PIGL: variants seen among roughly 807,000 people sequenced by gnomAD.
PIGL encodes the protein phosphatidylinositol glycan anchor biosynthesis class L, also known as N-acetylglucosaminyl-phosphatidylinositol de-N-acetylase.
Under a neutral mutation model 31.1 loss-of-function variants are expected in PIGL, and 22 were observed. That is an observed-to-expected ratio of 0.71 (90% CI 0.51 to 1.01). PIGL has a LOEUF of 1.01. Among genes scored for constraint, PIGL ranks in the 50% least tolerant of loss-of-function variants. The probability of loss-of-function intolerance (pLI) is 0.00; values close to 1 mark genes in which losing one functional copy is unlikely to be tolerated. For missense variants in PIGL, 302 were observed against 315.9 expected (o/e 0.96, Z 0.33); for synonymous variants, 131 against 117.4 (o/e 1.12, Z -0.75).
chr17:16,270,053 G>C (rs983627914), intron 2 of PIGL, among the ~76,000 whole-genome samples: 3 of 151,994 alleles, frequency 2.0e-5, no homozygotes, highest in Non-Finnish European at 4.4e-5. Flanking sequence ...TTGGGAGGCC[G>C]AGGCGGGCAG....
At chr17:16,310,137 G>T (rs1257876010) in intron 3 of PIGL, among the ~76,000 whole-genome samples, 2 of 150,198 alleles carry the variant, frequency 1.3e-5, no homozygotes, top group Admixed American at 6.6e-5. Flanking sequence ...TTAATCATTA[G>T]AAGACTTTCT....
intron 2 of PIGL, among the ~76,000 whole-genome samples, chr17:16,263,156 T>C (rs2142753139): frequency 6.6e-6 from 1 of 152,128 alleles, no homozygotes; most frequent in Admixed American, 6.6e-5. Flanking sequence ...TGCACAGCTC[T>C]GTGAACTTAC....
intron 6 of PIGL, among the ~76,000 whole-genome samples, chr17:16,319,196 G>A (rs1233601521): frequency 1.8e-5 from 2 of 112,002 alleles, no homozygotes; most frequent in African/African-American, 7.0e-5. Context: ...CTGCACTCCA[G>A]CCTGGGCAAC....
At chr17:16,305,504 A>G (rs1379409628) in intron 3 of PIGL, among the ~76,000 whole-genome samples, 1 of 152,236 alleles carries the variant, frequency 6.6e-6, no homozygotes, top group Non-Finnish European at 1.5e-5. Context: ...TGCCATTGTC[A>G]TGTACAAATC....
At chr17:16,251,727 G>A (rs2092772799) in intron 2 of PIGL, among the ~76,000 whole-genome samples, 1 of 151,448 alleles carries the variant, frequency 6.6e-6, no homozygotes, top group Admixed American at 6.6e-5. Context: ...TACCTATTCA[G>A]TACCTAGAAT....
At chr17:16,286,763 T>C (rs1172784135) in intron 2 of PIGL, among the ~76,000 whole-genome samples, 1 of 152,092 alleles carries the variant, frequency 6.6e-6, no homozygotes, top group East Asian at 1.9e-4. Flanking sequence ...TCCAAAATAG[T>C]AGTCTCTCCT....
rs2092661754 is a variant in PIGL at position 16,228,231 on chromosome 17, A to AT, written c.236-5735dup. ...CACCATGCCCGGCTAATTTTTTTAT[A>AT]TTTTTATTAGAGAATGGAGTTTCAC... On this transcript the variant is annotated intron_variant, in intron 1 of 6. Coordinates refer to ENST00000225609, the MANE Select transcript of PIGL (RefSeq NM_004278.4). Among the ~76,000 whole-genome samples, 4 of 143,228 alleles carry AT rather than the reference A, an allele frequency of 2.8e-5. No individual in the cohort carries two copies. In the South Asian group the frequency reaches 9.0e-4, roughly 32 times the overall value. The allele number at this position is 143,228 out of a possible 152,430, so 94.0% of individuals were successfully genotyped here. A position where few individuals can be genotyped will look rare whatever the true frequency, so the allele number is the denominator to read the frequency against.
intron 2 of PIGL, among the ~76,000 whole-genome samples, chr17:16,298,885 G>T (rs1232263655): frequency 6.6e-6 from 1 of 151,956 alleles, no homozygotes; most frequent in Non-Finnish European, 1.5e-5. Context: ...AAAATTAGCT[G>T]GGTGTGGTGG....
chr17:16,268,559 C>T (rs546290738), intron 2 of PIGL, among the ~76,000 whole-genome samples: 16 of 152,154 alleles, frequency 1.1e-4, no homozygotes, highest in Non-Finnish European at 2.2e-4. Flanking sequence ...AGCGATTCTC[C>T]TACCTTAGCC....
At chr17:16,325,464 T>A (rs1185120505) in intron 6 of PIGL, among the ~76,000 whole-genome samples, 1 of 152,044 alleles carries the variant, frequency 6.6e-6, no homozygotes, top group South Asian at 2.1e-4. Flanking sequence ...ATTTATTTTT[T>A]AAAAAACAGT....
chr17:16,302,839 C>T (rs866747717), intron 3 of PIGL, among the ~76,000 whole-genome samples: 1 of 152,114 alleles, frequency 6.6e-6, no homozygotes, highest in Non-Finnish European at 1.5e-5. Context: ...CCTCGTGATC[C>T]GCCTTCCCCG....
chr17:16,265,304 T>C (rs1315883961), intron 2 of PIGL, among the ~76,000 whole-genome samples: 1 of 152,170 alleles, frequency 6.6e-6, no homozygotes, highest in Non-Finnish European at 1.5e-5. Context: ...AAAGGGCACA[T>C]AGTGAGCAAG....
chr17:16,308,820 G>A (rs1238458752), intron 3 of PIGL, among the ~76,000 whole-genome samples: 7 of 141,396 alleles, frequency 5.0e-5, no homozygotes, highest in African/African-American at 1.3e-4. Context: ...TCGAGACAAG[G>A]TCTCCCTCTG....
At chr17:16,233,943 T>A in intron 1 of PIGL, 28 bp from the exon 2 acceptor site, 2 of 1,259,322 alleles carry the variant, frequency 1.6e-6, no homozygotes, top group Admixed American at 1.9e-5. Context: ...AAAAAAAAAA[T>A]CTACCACTGT....
At position 16,263,417 on chromosome 17, in the gene PIGL, C is replaced by T. The variant is rs111251400; in HGVS notation, c.335+29347C>T. 6.4e-3 allele frequency among the ~76,000 whole-genome samples: 980 copies of T among 152,074 alleles called. 15 individuals are homozygous for T. Among genetic ancestry groups the T allele is most frequent in the African/African-American group, 0.023 (945 of 41,480 alleles). On this transcript the variant is annotated intron_variant, in intron 2 of 6. Coordinates refer to ENST00000225609, the MANE Select transcript of PIGL (RefSeq NM_004278.4). Reference sequence around the variant, plus strand: ...CTGGTCTCAAACTCATGACTGCAAGCGATCCTTATGCCTTGGCCTCCCAAA... The same window carrying T: ...CTGGTCTCAAACTCATGACTGCAAGTGATCCTTATGCCTTGGCCTCCCAAA...
intron 2 of PIGL, among the ~76,000 whole-genome samples, chr17:16,281,699 A>G (rs2092917156): frequency 6.6e-6 from 1 of 152,244 alleles, no homozygotes; most frequent in African/African-American, 2.4e-5. Context: ...CCTACATCTA[A>G]GAAATATTAA....
intron 2 of PIGL, among the ~76,000 whole-genome samples, chr17:16,279,013 C>T (rs930633542): frequency 2.6e-5 from 4 of 152,142 alleles, no homozygotes; most frequent in South Asian, 2.1e-4. Flanking sequence ...CAGGGTAGAG[C>T]GCTTGGAGGA....
At chr17:16,245,115 C>T (rs1028037677) in intron 2 of PIGL, among the ~76,000 whole-genome samples, 1 of 152,084 alleles carries the variant, frequency 6.6e-6, no homozygotes, top group African/African-American at 2.4e-5. Flanking sequence ...GCCTCAGCCT[C>T]CCAGGAAGCT....
chr17:16,230,831 A>T (rs188989442), intron 1 of PIGL, among the ~76,000 whole-genome samples: 65 of 152,078 alleles, frequency 4.3e-4, no homozygotes, highest in African/African-American at 1.5e-3. Flanking sequence ...CGTTGTAAAG[A>T]CTCAAATTTA....
Sources: gnomAD v4.1 joint callset for allele counts (sites outside exome capture counted in the v4.1 genomes callset) on GRCh38, gnomAD v4.1.1 for gene constraint, MANE v1.5 for transcripts, NCBI Gene and HGNC (gene_info 2026-07-23, HGNC 2026-07-21) for gene names.